The following PCDH9 variants were observed in gnomAD, a reference collection of about 807,000 sequenced individuals.
The protein encoded by PCDH9 is protocadherin-9.
Under a neutral mutation model 70.6 loss-of-function variants are expected in PCDH9, and 24 were observed. The observed-to-expected ratio is 0.34, with a 90% CI of 0.25 to 0.48. The LOEUF is 0.48. Ranked by LOEUF, PCDH9 falls within the 20% of genes least tolerant of loss-of-function variation. The pLI is 0.99. For missense variants in PCDH9, 1,281 were observed against 1,503.6 expected, an observed-to-expected ratio of 0.85 and a Z score of 2.45; for synonymous variants, 562 against 558.5, an observed-to-expected ratio of 1.01 and a Z score of -0.09.
intron 2 of PCDH9, among the ~76,000 whole-genome samples, chr13:67,105,055 A>G (rs143841405): frequency 6.6e-6 from 1 of 152,020 alleles, no homozygotes; most frequent in Non-Finnish European, 1.5e-5. Context: ...CTGCAGTCAC[A>G]TATCTTGCCA....
In PCDH9 at chr13:66,532,033, C is replaced by A. The variant is rs116093191; in HGVS notation, c.3340+99177G>T. Among the ~76,000 whole-genome samples the A allele has an allele frequency of 3.5e-3, 527 of 152,220 alleles. 6 individuals are homozygous for A. The highest frequency in any genetic ancestry group is 0.012 in the African/African-American group (508 of 41,564). On this transcript the variant is annotated intron_variant, in intron 4 of 4. Coordinates refer to ENST00000377865, the MANE Select transcript of PCDH9 (RefSeq NM_203487.3). ...ACAGGGTTTTGTTCTTTTGCCCAGG[C>A]TGGAATGCAATGGCACAAGCACAGC...
chr13:67,210,189 T>C (rs1247292191), intron 2 of PCDH9: 1 of 152,082 alleles, frequency 6.6e-6, no homozygotes, highest in Non-Finnish European at 1.5e-5. Flanking sequence ...GATTTTAAGT[T>C]CATGGTTTTC....
rs531881080 is a variant in PCDH9 at position 66,480,470 on chromosome 13, G to T, written c.3340+150740C>A. Among the ~76,000 whole-genome samples, 10 of 152,294 alleles carry T rather than the reference G, an allele frequency of 6.6e-5. No individual in the cohort carries two copies. In the South Asian group the frequency reaches 1.9e-3, roughly 28 times the overall value. On this transcript the variant is annotated intron_variant, in intron 4 of 4. Transcript: ENST00000377865. ...AAGTTTGATTTCAATTTTTAAAGAA[G>T]TTCTACTATTGGCAAAGTGCTATCA...
chr13:67,228,463 C>A lies in PCDH9; in HGVS notation c.-23G>T. The A allele has an allele frequency of 6.5e-7, 1 of 1,528,796 alleles. No individual in the cohort carries two copies. Among genetic ancestry groups the A allele is most frequent in the South Asian group, 1.3e-5 (1 of 75,584 alleles). The allele number at this position is 1,528,796 out of a possible 1,614,324, so 94.7% of individuals were successfully genotyped here. ...CATGATAATGTATTTATTTTCTTTT[C>A]CTGGATTTTAGGGTTTAAAGGTTTC... On this transcript the variant is annotated 5_prime_UTR_variant, in exon 2 of 5. The change creates a premature stop within an existing upstream ORF in the 5' untranslated region. Coordinates refer to ENST00000377865, the MANE Select transcript of PCDH9 (RefSeq NM_203487.3).
intron 4 of PCDH9, among the ~76,000 whole-genome samples, chr13:66,431,119 A>G (rs775230559): frequency 3.9e-5 from 6 of 152,064 alleles, no homozygotes; most frequent in Non-Finnish European, 5.9e-5. Flanking sequence ...ATGAAAGAGT[A>G]ATTTTCTATT....
intron 4 of PCDH9, among the ~76,000 whole-genome samples, chr13:66,576,886 C>T (rs551937217): frequency 1.3e-5 from 2 of 152,076 alleles, no homozygotes; most frequent in African/African-American, 2.4e-5. Flanking sequence ...CAAAGGAAAA[C>T]ATTTCTATCA....
chr13:66,632,124 A>AC (rs1214634481), intron 3 of PCDH9, among the ~76,000 whole-genome samples: 1 of 152,056 alleles, frequency 6.6e-6, no homozygotes, highest in African/African-American at 2.4e-5. Flanking sequence ...TGAACTCCTG[A>AC]CCTCAGGTAA....
intron 4 of PCDH9, among the ~76,000 whole-genome samples, chr13:66,306,625 A>AT (rs528944762): frequency 1.6e-4 from 24 of 151,562 alleles, no homozygotes; most frequent in African/African-American, 4.8e-4. Context: ...AAGTTTAGCG[A>AT]TTTTTTTTAT....
intron 4 of PCDH9, among the ~76,000 whole-genome samples, chr13:66,411,712 G>A (rs1593935234): frequency 1.3e-5 from 2 of 152,114 alleles, no homozygotes; most frequent in African/African-American, 4.8e-5. Flanking sequence ...TAAATACCTT[G>A]GAGGCAGTAA....
chr13:66,814,042 A>G (rs1375612413), intron 3 of PCDH9, among the ~76,000 whole-genome samples: 2 of 152,216 alleles, frequency 1.3e-5, no homozygotes, highest in Non-Finnish European at 2.9e-5. Flanking sequence ...GAAGTAAAAC[A>G]TACAAATGCC....
chr13:66,772,538 T>G (rs1478539893), intron 3 of PCDH9, among the ~76,000 whole-genome samples: 1 of 152,148 alleles, frequency 6.6e-6, no homozygotes, highest in African/African-American at 2.4e-5. Context: ...TCTGATAAAA[T>G]TAACTTAATC....
At chr13:66,579,158 T>G (rs978169916) in intron 4 of PCDH9, among the ~76,000 whole-genome samples, 2 of 152,074 alleles carry the variant, frequency 1.3e-5, no homozygotes, top group African/African-American at 4.8e-5. Flanking sequence ...TGTCTGTAGT[T>G]TTGGCATGCA....
At chr13:66,591,717 C>A (rs2077041419) in intron 4 of PCDH9, among the ~76,000 whole-genome samples, 1 of 151,268 alleles carries the variant, frequency 6.6e-6, no homozygotes, top group Admixed American at 6.6e-5. Context: ...TTAAAAAAAA[C>A]CTCTGCAATG....
At chr13:66,837,440 G>C (rs1484587450) in intron 3 of PCDH9, among the ~76,000 whole-genome samples, 2 of 152,080 alleles carry the variant, frequency 1.3e-5, no homozygotes, top group African/African-American at 4.8e-5. Flanking sequence ...GGTGGAGCGG[G>C]AGCAGCCTGG....
chr13:66,428,228 G>A (rs1275245759), intron 4 of PCDH9, among the ~76,000 whole-genome samples: 1 of 151,640 alleles, frequency 6.6e-6, no homozygotes, highest in African/African-American at 2.4e-5. Flanking sequence ...ATAACCAAAT[G>A]CATAAAAGAT....
At chr13:66,377,580 C>T (rs1459493310) in intron 4 of PCDH9, among the ~76,000 whole-genome samples, 2 of 152,152 alleles carry the variant, frequency 1.3e-5, no homozygotes, top group African/African-American at 4.8e-5. Flanking sequence ...ACTTGGTTGG[C>T]TGTCCACTGA....
At chr13:66,740,599 C>T (rs1385106278) in intron 3 of PCDH9, among the ~76,000 whole-genome samples, 8 of 148,446 alleles carry the variant, frequency 5.4e-5, no homozygotes, top group Non-Finnish European at 1.1e-4. Context: ...GCTAGCAAGA[C>T]TAATAAAGAA....
intron 2 of PCDH9, among the ~76,000 whole-genome samples, chr13:67,155,784 A>ATTATT (rs2087795741): frequency 6.6e-6 from 1 of 151,746 alleles, no homozygotes; most frequent in African/African-American, 2.4e-5. Context: ...TAATAATAAT[A>ATTATT]ATTATTATTA....
At chr13:66,926,717 A>T in intron 2 of PCDH9, among the ~76,000 whole-genome samples, 1 of 152,108 alleles carries the variant, frequency 6.6e-6, no homozygotes, top group East Asian at 1.9e-4. Flanking sequence ...CATTTTGAAG[A>T]GGTTTCAGTC....
Sources: allele counts gnomAD v4.1 joint callset (sites outside exome capture counted in the v4.1 genomes callset), GRCh38; gene constraint gnomAD v4.1.1; transcripts MANE v1.5; gene names NCBI Gene and HGNC (gene_info 2026-07-23, HGNC 2026-07-21).